Variants in SAMMSON observed in about 807,000 individuals in gnomAD.
SAMMSON encodes the protein survival associated mitochondrial melanoma specific oncogenic non-coding RNA.
At chr3:70,156,265 A>G (rs1005037220) in intron 4 of SAMMSON, among the ~76,000 whole-genome samples, 4 of 152,110 alleles carry the variant, frequency 2.6e-5, no homozygotes, top group Non-Finnish European at 5.9e-5. Context: ...CAATGAACAT[A>G]ATAATGAATT....
chr3:70,084,831 T>C (rs2055007), intron 4 of SAMMSON: 6,189 of 152,334 alleles, frequency 0.041, 207 homozygotes, highest in East Asian at 0.13. Flanking sequence ...TTTTGTGAGG[T>C]AAGTGCCACT....
At chr3:70,265,445 AC>A (rs1488327076) in intron 6 of SAMMSON, among the ~76,000 whole-genome samples, 4 of 152,050 alleles carry the variant, frequency 2.6e-5, no homozygotes, top group African/African-American at 4.8e-5. Flanking sequence ...GGATTTGATG[AC>A]CACCACCCCA....
intron 7 of SAMMSON, among the ~76,000 whole-genome samples, chr3:70,346,789 A>C (rs986238560): frequency 1.3e-5 from 2 of 152,144 alleles, no homozygotes; most frequent in Non-Finnish European, 2.9e-5. Flanking sequence ...TCAAGAACAA[A>C]ATTGGGCATT....
intron 7 of SAMMSON, among the ~76,000 whole-genome samples, chr3:70,339,557 G>GA (rs1324230584): frequency 3.3e-5 from 5 of 152,014 alleles, no homozygotes; most frequent in Admixed American, 6.6e-5. Context: ...AAATTTACAA[G>GA]AAAAAATCAA....
rs1576124402 is a variant in SAMMSON at position 70,110,569 on chromosome 3, T to C, written n.507+39004T>C. Among the ~76,000 whole-genome samples the C allele has an allele frequency of 3.9e-5, 6 of 152,186 alleles. No homozygotes were observed. In the South Asian group the frequency reaches 1.2e-3, roughly 31 times the overall value. ...CCCTATTTCTCTTTCAGAGCTGCTA[T>C]ATCCTTATCTCTCTCCATGGTGTGG... On this transcript the variant is annotated intron_variant and non_coding_transcript_variant, in intron 4 of 9. Coordinates refer to ENST00000642114, the Ensembl canonical transcript of SAMMSON.
intron 4 of SAMMSON, among the ~76,000 whole-genome samples, chr3:70,088,026 A>G (rs976469428): frequency 4.6e-5 from 7 of 152,140 alleles, no homozygotes; most frequent in Non-Finnish European, 8.8e-5. Flanking sequence ...GGCTGAATCC[A>G]GGGGCCTAAC....
At chr3:70,136,665 G>C (rs2067506982) in intron 4 of SAMMSON, among the ~76,000 whole-genome samples, 1 of 152,172 alleles carries the variant, frequency 6.6e-6, no homozygotes, top group South Asian at 2.1e-4. Flanking sequence ...GTAATAGATA[G>C]CTGGTATAAA....
At chr3:70,009,708 C>G in intron 1 of SAMMSON, among the ~76,000 whole-genome samples, 1 of 150,744 alleles carries the variant, frequency 6.6e-6, no homozygotes, top group Non-Finnish European at 1.5e-5. Context: ...TCTTGCTTCT[C>G]TAGTTGTTTT....
intron 4 of SAMMSON, among the ~76,000 whole-genome samples, chr3:70,217,763 G>A (rs1352693263): frequency 6.6e-6 from 1 of 152,088 alleles, no homozygotes; most frequent in Admixed American, 6.6e-5. Context: ...AATTAGTGTT[G>A]AAAAATACTT....
At chr3:70,227,543 C>A (rs1701519652) in intron 4 of SAMMSON, among the ~76,000 whole-genome samples, 1 of 152,132 alleles carries the variant, frequency 6.6e-6, no homozygotes, top group African/African-American at 2.4e-5. Context: ...AGTGAGTGGG[C>A]TGAATGAAGG....
At chr3:70,258,211 G>A (rs1413722778) in intron 6 of SAMMSON, among the ~76,000 whole-genome samples, 1 of 152,050 alleles carries the variant, frequency 6.6e-6, no homozygotes. Flanking sequence ...GAAAATATTT[G>A]CAACTTTGAG....
At position 70,365,970 on chromosome 3, in the gene SAMMSON, CTTTTTTTTT is replaced by C. The variant is rs1193657961; in HGVS notation, n.913+7669_913+7677del. Reference sequence around the variant, plus strand: ...AAAAATTGTTTGTGCTTTACCTTTTCTTTTTTTTTTTTTTTTTTTTTTTTTTTTTTTGAG... The same window carrying C: ...AAAAATTGTTTGTGCTTTACCTTTTCTTTTTTTTTTTTTTTTTTTTTTGAG... On this transcript the variant is annotated intron_variant and non_coding_transcript_variant, in intron 9 of 9. Transcript: ENST00000642114. Among the ~76,000 whole-genome samples, 7 of 27,770 alleles carry C rather than the reference CTTTTTTTTT, an allele frequency of 2.5e-4. No individual in the cohort carries two copies. The South Asian group carries it at 3.6e-3, about 14-fold the overall frequency. 18.2% of individuals were successfully genotyped at this position (27,770 alleles called of 152,430 possible).
At chr3:70,395,810 G>A (rs1440847673) in intron 2 of SAMMSON, among the ~76,000 whole-genome samples, 1 of 152,084 alleles carries the variant, frequency 6.6e-6, no homozygotes, top group African/African-American at 2.4e-5. Flanking sequence ...AGTTCTAGCT[G>A]TGATTACCCC....
intron 3 of SAMMSON, among the ~76,000 whole-genome samples, chr3:70,034,416 G>T (rs2067077826): frequency 6.6e-6 from 1 of 152,128 alleles, no homozygotes; most frequent in Admixed American, 6.6e-5. Context: ...CTTGTATGTA[G>T]ATACTGCCAT....
intron 4 of SAMMSON, among the ~76,000 whole-genome samples, chr3:70,165,187 G>T (rs1285541115): frequency 6.6e-6 from 1 of 152,096 alleles, no homozygotes; most frequent in African/African-American, 2.4e-5. Context: ...GATGTAATTT[G>T]TGTCAATTAT....
intron 7 of SAMMSON, among the ~76,000 whole-genome samples, chr3:70,319,901 C>G (rs530353393): frequency 2.1e-4 from 32 of 152,094 alleles, no homozygotes; most frequent in African/African-American, 7.5e-4. Flanking sequence ...CTAAAATCCC[C>G]AGATAATCTG....
At chr3:70,337,833 T>C (rs1472438804) in intron 7 of SAMMSON, among the ~76,000 whole-genome samples, 1 of 151,992 alleles carries the variant, frequency 6.6e-6, no homozygotes, top group Non-Finnish European at 1.5e-5. Flanking sequence ...CTTTTGGTTT[T>C]ATATTTTCTC....
intron 2 of SAMMSON, among the ~76,000 whole-genome samples, chr3:70,408,878 A>C (rs1701196406): frequency 6.6e-6 from 1 of 152,140 alleles, no homozygotes; most frequent in African/African-American, 2.4e-5. Flanking sequence ...CTAGGAAGAA[A>C]AGGTGGTTTA....
At chr3:70,052,116 A>G (rs1339193507) in intron 3 of SAMMSON, among the ~76,000 whole-genome samples, 1 of 152,106 alleles carries the variant, frequency 6.6e-6, no homozygotes, top group African/African-American at 2.4e-5. Flanking sequence ...ATAAATAAAT[A>G]ATAAAAAAGA....
Sources: gnomAD v4.1 joint callset for allele counts (sites outside exome capture counted in the v4.1 genomes callset) on GRCh38, gnomAD v4.1.1 for gene constraint, MANE v1.5 for transcripts, NCBI Gene and HGNC (gene_info 2026-07-23, HGNC 2026-07-21) for gene names.